The following LRRC8B variants were observed in gnomAD, a reference collection of about 807,000 sequenced individuals.
LRRC8B encodes the protein leucine rich repeat containing 8 VRAC subunit B, also known as volume-regulated anion channel subunit LRRC8B.
A neutral mutation model predicts 58.8 loss-of-function variants in LRRC8B; 23 were observed. The ratio of observed to expected loss-of-function variants is 0.39; its 90% CI spans 0.28 to 0.55. The LOEUF (loss-of-function observed/expected upper bound fraction) is 0.55. LRRC8B is among the 20% of genes least tolerant of loss of function. The pLI, the probability that LRRC8B is intolerant of heterozygous loss-of-function variation, is 0.62. For missense variants in LRRC8B, 694 were observed against 936.0 expected (o/e 0.74, Z 3.37); for synonymous variants, 359 against 374.1 (o/e 0.96, Z 0.47).
intron 1 of LRRC8B, among the ~76,000 whole-genome samples, chr1:89,561,582 A>G (rs575857807): frequency 3.4e-4 from 30 of 89,156 alleles, no homozygotes; most frequent in Admixed American, 5.4e-4. Context: ...TAAGGAAGGG[A>G]TCCAGTTTCA....
intron 3 of LRRC8B, among the ~76,000 whole-genome samples, chr1:89,577,555 C>T (rs1022682682): frequency 6.6e-6 from 1 of 152,090 alleles, no homozygotes; most frequent in Non-Finnish European, 1.5e-5. Context: ...GAAACAATTT[C>T]CTGGACAGAC....
rs1655179550 is a variant in LRRC8B at position 89,594,373 on chromosome 1, C to T, written c.*1330C>T. 1 of 152,168 alleles carries T rather than the reference C, an allele frequency of 6.6e-6. No individual in the cohort carries two copies. Among genetic ancestry groups the T allele is most frequent in the African/African-American group, 2.4e-5 (1 of 41,438 alleles). 9.4% of individuals were successfully genotyped at this position (152,168 alleles called of 1,614,324 possible). A position where few individuals can be genotyped will look rare whatever the true frequency, so the allele number is the denominator to read the frequency against. ...GTGAGAGGGTGGCCGAATCATCTAC[C>T]TCTCTCTTCCATAGTTGCTGTGCAA... On this transcript the variant is annotated 3_prime_UTR_variant, in exon 6 of 6. Coordinates refer to ENST00000330947, the MANE Select transcript of LRRC8B (RefSeq NM_001369817.2).
chr1:89,575,472 A>G (rs947002435), intron 3 of LRRC8B, among the ~76,000 whole-genome samples: 22 of 152,190 alleles, frequency 1.4e-4, no homozygotes, highest in African/African-American at 5.1e-4. Context: ...GTACCTTCCA[A>G]CCATCTGGAA....
At chr1:89,562,232 C>G (rs1350981071) in intron 1 of LRRC8B, among the ~76,000 whole-genome samples, 3 of 151,536 alleles carry the variant, frequency 2.0e-5, no homozygotes, top group Non-Finnish European at 2.9e-5. Context: ...TTTTCCTTTT[C>G]TTCCCTGCCT....
At chr1:89,560,628 T>C (rs1652569371) in intron 1 of LRRC8B, among the ~76,000 whole-genome samples, 1 of 147,580 alleles carries the variant, frequency 6.8e-6, no homozygotes, top group Non-Finnish European at 1.5e-5. Flanking sequence ...TGAGTGAGAA[T>C]ATGTGGTGTT....
intron 1 of LRRC8B, among the ~76,000 whole-genome samples, chr1:89,551,950 A>G (rs1326516778): frequency 6.6e-6 from 1 of 152,210 alleles, no homozygotes; most frequent in African/African-American, 2.4e-5. Context: ...ATATACATGC[A>G]TGTACCGTGC....
intron 1 of LRRC8B, among the ~76,000 whole-genome samples, chr1:89,565,392 G>A (rs1246260461): frequency 2.7e-5 from 3 of 109,938 alleles, no homozygotes; most frequent in African/African-American, 6.4e-5. Context: ...TCATTATAAT[G>A]CACCAGTCAT....
Position 89,593,240 on chromosome 1 carries a change from G to A in LRRC8B, c.*197G>A. On this transcript the variant is annotated 3_prime_UTR_variant, in exon 6 of 6. Coordinates refer to ENST00000330947, the MANE Select transcript of LRRC8B (RefSeq NM_001369817.2). ...AACTACAAAAAAATTAGCCAGGCGT[G>A]GTGGCGTGCGCCTGTAATCCCAGCT... The A allele has an allele frequency of 1.9e-6, 1 of 537,616 alleles. No homozygotes were observed. Among genetic ancestry groups the A allele is most frequent in the Non-Finnish European group, 3.3e-6 (1 of 302,252 alleles). 33.3% of individuals were successfully genotyped at this position (537,616 alleles called of 1,614,324 possible). A position where few individuals can be genotyped will look rare whatever the true frequency, so the allele number is the denominator to read the frequency against.
chr1:89,564,666 G>A (rs867810236), intron 1 of LRRC8B, among the ~76,000 whole-genome samples: 38 of 152,082 alleles, frequency 2.5e-4, no homozygotes, highest in Non-Finnish European at 1.6e-4. Flanking sequence ...CTGCACACCC[G>A]ACTCTTCTGA....
chr1:89,595,853 GTTAAA>G lies in LRRC8B; in HGVS notation c.*2814_*2818del, dbSNP rs1401536944. ...ATTTTAAATGAAGAAAATTAAGTTTGTTAAATTATAATTATGAGACTTTCGTTGGC... is the reference window on the plus strand; with the variant it reads ...ATTTTAAATGAAGAAAATTAAGTTTGTTATAATTATGAGACTTTCGTTGGC... On this transcript the variant is annotated 3_prime_UTR_variant, in exon 6 of 6. Coordinates refer to ENST00000330947, the MANE Select transcript of LRRC8B (RefSeq NM_001369817.2). 2 of 152,072 alleles carry G rather than the reference GTTAAA, an allele frequency of 1.3e-5. No individual in the cohort carries two copies. Among genetic ancestry groups the G allele is most frequent in the African/African-American group, 2.4e-5 (1 of 41,416 alleles). The allele number at this position is 152,072 out of a possible 1,614,324, so 9.4% of individuals were successfully genotyped here.
At chr1:89,544,019 C>G (rs1482292159) in intron 1 of LRRC8B, among the ~76,000 whole-genome samples, 1 of 152,184 alleles carries the variant, frequency 6.6e-6, no homozygotes, top group East Asian at 1.9e-4. Context: ...TGGTTTTGAA[C>G]TCTTGGACTC....
chr1:89,579,089 T>TA (rs1168109078), intron 3 of LRRC8B, among the ~76,000 whole-genome samples: 1 of 152,188 alleles, frequency 6.6e-6, no homozygotes, highest in African/African-American at 2.4e-5. Context: ...TGTTTGGTTT[T>TA]AAATATGGGT....
At chr1:89,587,318 G>A (rs1654691621) in intron 5 of LRRC8B, among the ~76,000 whole-genome samples, 1 of 152,086 alleles carries the variant, frequency 6.6e-6, no homozygotes, top group East Asian at 1.9e-4. Flanking sequence ...ATTGAATCAC[G>A]AAGTCAGGAG....
intron 1 of LRRC8B, among the ~76,000 whole-genome samples, chr1:89,562,150 A>AC (rs1652712000): frequency 7.2e-6 from 1 of 139,526 alleles, no homozygotes; most frequent in Non-Finnish European, 1.6e-5. Context: ...CACCTCCCAA[A>AC]ACACACACAC....
At chr1:89,534,627 T>C (rs960782471) in intron 1 of LRRC8B, among the ~76,000 whole-genome samples, 2 of 152,222 alleles carry the variant, frequency 1.3e-5, no homozygotes, top group African/African-American at 4.8e-5. Context: ...ATTATGATTT[T>C]TCACTAGTAC....
At chr1:89,580,295 A>G (rs896696784) in intron 4 of LRRC8B, among the ~76,000 whole-genome samples, 1 of 152,204 alleles carries the variant, frequency 6.6e-6, no homozygotes, top group Non-Finnish European at 1.5e-5. Context: ...GTAACTGAGC[A>G]TTGGGTTTCA....
chr1:89,570,776 A>T (rs1428125667), intron 3 of LRRC8B, among the ~76,000 whole-genome samples: 1 of 152,140 alleles, frequency 6.6e-6, no homozygotes, highest in Non-Finnish European at 1.5e-5. Flanking sequence ...CTTCATTATG[A>T]AATCTTTGCC....
At chr1:89,564,950 C>G (rs1652938954) in intron 1 of LRRC8B, among the ~76,000 whole-genome samples, 1 of 152,144 alleles carries the variant, frequency 6.6e-6, no homozygotes, top group Non-Finnish European at 1.5e-5. Flanking sequence ...TTGATTTTGT[C>G]TTTGGGTTAA....
Position 89,584,272 on chromosome 1 carries a change from G to C in LRRC8B, c.1622G>C (p.Arg541Thr). Residue 541 changes from arginine to threonine, a missense_variant, in exon 5 of 6, where the codon AGG (arginine) becomes ACG (threonine). Physicochemically the swap from Arg to Thr is moderately conservative, Grantham distance 71. Coordinates refer to ENST00000330947, the MANE Select transcript of LRRC8B (RefSeq NM_001369817.2). ...LEGFQDLKNL[R>T]TLYLKSSLSR... ...GGCTTTCAGGACTTAAAAAATCTAA[G>C]GACCCTGTACTTGAAGAGCAGCCTC... 1 of 1,613,678 alleles carries C rather than the reference G, an allele frequency of 6.2e-7. No homozygotes were observed. Among genetic ancestry groups the C allele is most frequent in the South Asian group, 1.1e-5 (1 of 91,064 alleles).
Sources: gnomAD v4.1 joint callset for allele counts (sites outside exome capture counted in the v4.1 genomes callset) on GRCh38, gnomAD v4.1.1 for gene constraint, MANE v1.5 for transcripts, NCBI Gene and HGNC (gene_info 2026-07-23, HGNC 2026-07-21) for gene names.